Variants in RPS6KA2 observed in about 807,000 individuals in gnomAD.
The protein encoded by RPS6KA2 is ribosomal protein S6 kinase alpha-2.
Under a neutral mutation model 91.8 loss-of-function variants are expected in RPS6KA2, and 42 were observed. That is an observed-to-expected ratio of 0.46 (90% CI 0.36 to 0.59). RPS6KA2 has a LOEUF of 0.59. Ranked by LOEUF, RPS6KA2 falls within the 20% of genes least tolerant of loss-of-function variation. The pLI is 0.00. For missense variants in RPS6KA2, 798 were observed against 978.5 expected, an observed-to-expected ratio of 0.82 and a Z score of 2.46; for synonymous variants, 414 against 393.6, an observed-to-expected ratio of 1.05 and a Z score of -0.61.
chr6:166,861,977 G>T, intron 1 of RPS6KA2: 1 of 1,155,894 alleles, frequency 8.7e-7, no homozygotes, highest in Non-Finnish European at 1.3e-6. Context: ...ACACACACTG[G>T]ATAGCCAACT....
Position 166,531,948 on chromosome 6 carries a change from T to G in RPS6KA2, c.217-635A>C, listed in dbSNP as rs369731443. 3.6e-4 allele frequency among the ~76,000 whole-genome samples: 55 copies of G among 152,250 alleles called. 2 individuals carry two copies. The East Asian group carries it at 4.2e-3, about 12-fold the overall frequency. ...TTGTATTAGTGATTTTTTAACAAAC[T>G]TAGTAAACAAAACTGGAGTTCCTTT... is the stretch of plus-strand genomic sequence containing the variant. On this transcript the variant is annotated intron_variant, in intron 2 of 20. Coordinates refer to ENST00000265678, the MANE Select transcript of RPS6KA2 (RefSeq NM_021135.6).
intron 7 of RPS6KA2, 132 bp from the exon 8 acceptor site, chr6:166,498,782 C>G: frequency 8.4e-7 from 1 of 1,185,386 alleles, no homozygotes; most frequent in Admixed American, 2.3e-5. Flanking sequence ...CCCTGCTCAG[C>G]AAAAGCGGGA....
rs1765895203 is a variant in RPS6KA2 at position 166,726,806 on chromosome 6, A to G, written c.123+131394T>C. ...CAACTCTAGGTGAGGAGTGTTTGGCAGATGAAACCCCTCCACCAGGGAGGT... is the reference window on the plus strand; with the variant it reads ...CAACTCTAGGTGAGGAGTGTTTGGCGGATGAAACCCCTCCACCAGGGAGGT... On this transcript the variant is annotated intron_variant, in intron 2 of 21. Transcript: ENST00000503859. This position sits in a 1 kb window ranked among gnomAD's most constrained non-coding sequence, Gnocchi z 4.4. Among the ~76,000 whole-genome samples the G allele has an allele frequency of 6.6e-6, 1 of 152,218 alleles. No homozygotes were observed. The highest frequency in any genetic ancestry group is 2.1e-4 in the South Asian group (1 of 4,834).
At position 166,568,621 on chromosome 6, in the gene RPS6KA2, G is replaced by GAAAAAAAAAAAA. The variant is rs60613942; in HGVS notation, c.100-29849_100-29838dup. Among the ~76,000 whole-genome samples the GAAAAAAAAAAAA allele has an allele frequency of 1.3e-4, 6 of 45,532 alleles. 1 individual carries two copies. Among genetic ancestry groups the GAAAAAAAAAAAA allele is most frequent in the Non-Finnish European group, 2.1e-4 (5 of 24,294 alleles). The allele number at this position is 45,532 out of a possible 152,430, so 29.9% of individuals were successfully genotyped here. ...ACAACAAGAGCAAAACTCCATCTCA[G>GAAAAAAAAAAAA]AAAAAAAAAAAAAAAAAAAAAAAAA... On this transcript the variant is annotated intron_variant, in intron 1 of 20. Coordinates refer to ENST00000265678, the MANE Select transcript of RPS6KA2 (RefSeq NM_021135.6).
intron 2 of RPS6KA2, among the ~76,000 whole-genome samples, chr6:166,842,300 T>C (rs372433221): frequency 6.6e-6 from 1 of 152,182 alleles, no homozygotes; most frequent in Admixed American, 6.5e-5. Flanking sequence ...TGTAATAAGA[T>C]GAAAGTCGCC....
At chr6:166,842,966 C>A (rs1780522857) in intron 2 of RPS6KA2, among the ~76,000 whole-genome samples, 1 of 152,308 alleles carries the variant, frequency 6.6e-6, no homozygotes, top group Non-Finnish European at 1.5e-5. Flanking sequence ...GTGAGTCTGC[C>A]TGCCTTCTCA....
At chr6:166,535,697 T>C (rs1414260360) in intron 2 of RPS6KA2, among the ~76,000 whole-genome samples, 1 of 152,194 alleles carries the variant, frequency 6.6e-6, no homozygotes, top group Non-Finnish European at 1.5e-5. Context: ...TCTGCACCCC[T>C]CCTTTCAACA....
rs199890691 is a variant in RPS6KA2 at position 166,461,535 on chromosome 6, A to G, written c.973-1984T>C. On this transcript the variant is annotated intron_variant, in intron 11 of 20. Transcript: ENST00000265678. ...GAGAGAGAGATGGGGAGAGATGGGG[A>G]GAGAGGGGGTGGGGGGAGAAAGAGA... Among the ~76,000 whole-genome samples, 16 of 80,484 alleles carry G rather than the reference A, an allele frequency of 2.0e-4. No individual in the cohort carries two copies. In the South Asian group the frequency reaches 7.2e-3, roughly 36 times the overall value. 52.8% of individuals were successfully genotyped at this position (80,484 alleles called of 152,430 possible). A position where few individuals can be genotyped will look rare whatever the true frequency, so the allele number is the denominator to read the frequency against.
chr6:166,742,031 G>A (rs1239229861), intron 2 of RPS6KA2, among the ~76,000 whole-genome samples: 1 of 152,208 alleles, frequency 6.6e-6, no homozygotes, highest in African/African-American at 2.4e-5. Flanking sequence ...AGAAGGCTGA[G>A]GCAGGAGAAT....
intron 2 of RPS6KA2, among the ~76,000 whole-genome samples, chr6:166,710,607 G>T (rs1789817846): frequency 6.6e-6 from 1 of 151,946 alleles, no homozygotes. Flanking sequence ...ATTACATCCT[G>T]GAGGTGCATG....
At chr6:166,442,612 C>G (rs1221849753) in intron 14 of RPS6KA2, among the ~76,000 whole-genome samples, 13 of 152,206 alleles carry the variant, frequency 8.5e-5, no homozygotes, top group Non-Finnish European at 1.5e-5. Context: ...CTAACGCCTG[C>G]AGCTCCTGGT....
intron 2 of RPS6KA2, among the ~76,000 whole-genome samples, chr6:166,633,655 TAATA>T (rs1249671738): frequency 6.6e-6 from 1 of 152,226 alleles, no homozygotes; most frequent in African/African-American, 2.4e-5. Context: ...ACAGATTATT[TAATA>T]GTCATAATAT....
intron 2 of RPS6KA2, among the ~76,000 whole-genome samples, chr6:166,680,328 GCTCTGTAAAATGGACCAATCAGCT>G (rs1262210770): frequency 5.3e-5 from 8 of 152,118 alleles, no homozygotes; most frequent in Non-Finnish European, 2.9e-5. Flanking sequence ...GGACCAATCA[GCTCTGTAAAATGGACCAATCAGCT>G]CTCTGTAAAA....
In RPS6KA2 at chr6:166,437,422, G is replaced by A. The variant is rs541411355; in HGVS notation, c.1333-4932C>T. Among the ~76,000 whole-genome samples, 151 of 152,302 alleles carry A rather than the reference G, an allele frequency of 9.9e-4. 1 individual carries two copies. The highest frequency in any genetic ancestry group is 6.8e-3 in the Middle Eastern group (2 of 294). On this transcript the variant is annotated intron_variant, in intron 14 of 20. Transcript: ENST00000265678. The surrounding 1 kb of genome is among the most constrained non-coding windows in gnomAD (Gnocchi z 4.3). ...AACAAGGCCTCCCCTCCAGGCTGAC[G>A]CTCAAATAATGCTGACGCGCCACGG...
intron 2 of RPS6KA2, among the ~76,000 whole-genome samples, chr6:166,691,839 C>A (rs1420693104): frequency 6.6e-6 from 1 of 152,126 alleles, no homozygotes; most frequent in East Asian, 1.9e-4. Context: ...ATCTTCTATA[C>A]CCTTACACGG....
chr6:166,699,021 T>C (rs1386396839), intron 2 of RPS6KA2, among the ~76,000 whole-genome samples: 1 of 152,244 alleles, frequency 6.6e-6, no homozygotes, highest in Non-Finnish European at 1.5e-5. Context: ...GCCGAGTAGA[T>C]AGCAGGCATG....
intron 3 of RPS6KA2, among the ~76,000 whole-genome samples, chr6:166,524,548 G>A (rs532997919): frequency 1.7e-3 from 260 of 152,236 alleles, no homozygotes; most frequent in Non-Finnish European, 2.5e-3. Context: ...CTAACCAGGT[G>A]GCATCTAACT....
intron 2 of RPS6KA2, among the ~76,000 whole-genome samples, chr6:166,822,029 C>T (rs186032793): frequency 1.3e-5 from 2 of 152,222 alleles, no homozygotes; most frequent in Non-Finnish European, 2.9e-5. Context: ...GGCCCTCCAC[C>T]TCTGTCACCA....
chr6:166,471,897 G>C (rs532367105), intron 10 of RPS6KA2, among the ~76,000 whole-genome samples: 1 of 152,214 alleles, frequency 6.6e-6, no homozygotes, highest in Non-Finnish European at 1.5e-5. Context: ...CCAGGGATCT[G>C]ATCCCAGGCC....
Sources: allele counts gnomAD v4.1 joint callset (sites outside exome capture counted in the v4.1 genomes callset), GRCh38; gene constraint gnomAD v4.1.1; non-coding constraint Gnocchi (gnomAD v3.1); transcripts MANE v1.5; gene names NCBI Gene and HGNC (gene_info 2026-07-23, HGNC 2026-07-21).